ELMO2: variants seen among roughly 807,000 people sequenced by gnomAD.
ELMO2 encodes engulfment and cell motility protein 2.
A neutral mutation model predicts 96.2 loss-of-function variants in ELMO2; 37 were observed. The ratio of observed to expected loss-of-function variants is 0.38; its 90% CI spans 0.30 to 0.51. The LOEUF (loss-of-function observed/expected upper bound fraction) is 0.51. ELMO2 is among the 20% of genes least tolerant of loss of function. ELMO2 has a pLI of 0.88. For synonymous variants in ELMO2, 315 were observed against 329.4 expected (o/e 0.96, Z 0.47); for missense variants, 561 against 912.6 (o/e 0.61, Z 4.96).
intron 2 of ELMO2, among the ~76,000 whole-genome samples, chr20:46,395,748 C>A (rs2060232308): frequency 6.6e-6 from 1 of 152,204 alleles, no homozygotes; most frequent in South Asian, 2.1e-4. Flanking sequence ...GAATGGGATG[C>A]TTCAGAAGTC....
chr20:46,397,832 A>G (rs919022835), intron 2 of ELMO2, among the ~76,000 whole-genome samples: 2 of 152,216 alleles, frequency 1.3e-5, no homozygotes, highest in African/African-American at 4.8e-5. Context: ...ATAAAAAACC[A>G]AGAGCCTTTC....
At position 46,371,137 on chromosome 20, in the gene ELMO2, C is replaced by T. The variant is rs1207913111; in HGVS notation, c.1801+215G>A. On this transcript the variant is annotated intron_variant, in intron 19 of 21. Coordinates refer to ENST00000290246, the MANE Select transcript of ELMO2 (RefSeq NM_133171.5). This position sits in a 1 kb window ranked among gnomAD's most constrained non-coding sequence, Gnocchi z 5.9. ...CGACTTAGTCATGTACCACCCTTTA[C>T]AGTCTACACAATACATTCACACCTG... is the stretch of plus-strand genomic sequence containing the variant. Among the ~76,000 whole-genome samples the T allele has an allele frequency of 2.0e-5, 3 of 152,196 alleles. No homozygotes were observed. Among genetic ancestry groups the T allele is most frequent in the Non-Finnish European group, 4.4e-5 (3 of 68,034 alleles).
chr20:46,405,873 G>C (rs2060428931), intron 1 of ELMO2, among the ~76,000 whole-genome samples: 1 of 152,142 alleles, frequency 6.6e-6, no homozygotes, highest in South Asian at 2.1e-4. Flanking sequence ...GGCAGAGCGA[G>C]ACTCCGTCTC....
Position 46,379,290 on chromosome 20 carries a change from G to A in ELMO2, c.807+963C>T, listed in dbSNP as rs560283294. The stretch of plus-strand genomic sequence containing the variant: ...ATTACAGGTGTGAGCCACCACGTCC[G>A]GCCAAAGTTGCCTCCTTTTAATTCA... On this transcript the variant is annotated intron_variant, in intron 11 of 21. Transcript: ENST00000290246. Among the ~76,000 whole-genome samples the A allele has an allele frequency of 1.9e-3, 284 of 151,944 alleles. 1 individual carries two copies. The highest frequency in any genetic ancestry group is 6.0e-3 in the African/African-American group (250 of 41,428).
At chr20:46,396,466 GC>G (rs1172588699) in intron 2 of ELMO2, among the ~76,000 whole-genome samples, 2 of 152,048 alleles carry the variant, frequency 1.3e-5, no homozygotes, top group East Asian at 3.9e-4. Flanking sequence ...CCTGTAACCA[GC>G]ACTCAAAACG....
chr20:46,393,086 T>C lies in ELMO2; in HGVS notation c.243+7A>G. ...GAATAAACTCCTAAGGAAGAAAGAA[T>C]ACCTACCGGGGAGATAGCCAGTTGT... On this transcript the variant is annotated splice_region_variant and intron_variant, in intron 6 of 21. Coordinates refer to ENST00000290246, the MANE Select transcript of ELMO2 (RefSeq NM_133171.5). 6.2e-7 allele frequency: 1 copy of C among 1,613,406 alleles called. No homozygotes were observed. Among genetic ancestry groups the C allele is most frequent in the East Asian group, 2.2e-5 (1 of 44,872 alleles).
chr20:46,366,222 A>G lies in ELMO2; in HGVS notation c.*1138T>C, dbSNP rs2059583646. The G allele has an allele frequency of 6.5e-6, 1 of 152,682 alleles. No homozygotes were observed. Among genetic ancestry groups the G allele is most frequent in the Non-Finnish European group, 1.5e-5 (1 of 68,056 alleles). The allele number at this position is 152,682 out of a possible 1,614,324, so 9.5% of individuals were successfully genotyped here. A position where few individuals can be genotyped will look rare whatever the true frequency, so the allele number is the denominator to read the frequency against. On this transcript the variant is annotated 3_prime_UTR_variant, in exon 22 of 22. Transcript: ENST00000290246. ...AGATAGGTAGATCTTATATAAATAT[A>G]TATACACGTCTGTATAAGTATGGCC...
Position 46,371,718 on chromosome 20 carries a change from C to A in ELMO2, c.1581-27G>T. On this transcript the variant is annotated intron_variant, in intron 17 of 21. Transcript: ENST00000290246. The surrounding 1 kb of genome is among the most constrained non-coding windows in gnomAD (Gnocchi z 5.9). ...TGGGGTGGACACACACTGGAGTGAGCGGAAGGTCATGGGGACAGTGGAGCT... is the reference window on the plus strand; with the variant it reads ...TGGGGTGGACACACACTGGAGTGAGAGGAAGGTCATGGGGACAGTGGAGCT... 6.2e-7 allele frequency: 1 copy of A among 1,613,670 alleles called. No individual in the cohort carries two copies. Among genetic ancestry groups the A allele is most frequent in the Non-Finnish European group, 8.5e-7 (1 of 1,179,912 alleles).
In ELMO2 at chr20:46,375,415, G is replaced by A. The variant is rs1340660376; in HGVS notation, c.931-45C>T. ...GTCAGCAGGTGAATCGGCTAACCAA[G>A]GGAGCAAGGAAAAGAAACAGTGGGT... is the stretch of plus-strand genomic sequence containing the variant. On this transcript the variant is annotated intron_variant, in intron 12 of 21. Transcript: ENST00000290246. This position sits in a 1 kb window ranked among gnomAD's most constrained non-coding sequence, Gnocchi z 4.6. 6.2e-7 allele frequency: 1 copy of A among 1,606,058 alleles called. No individual in the cohort carries two copies. The highest frequency in any genetic ancestry group is 8.5e-7 in the Non-Finnish European group (1 of 1,174,632).
At chr20:46,385,148 T>C (rs541304966) in intron 9 of ELMO2, among the ~76,000 whole-genome samples, 2 of 152,184 alleles carry the variant, frequency 1.3e-5, no homozygotes, top group African/African-American at 4.8e-5. Context: ...CTCGAACTGG[T>C]GGGGGATTCT....
At chr20:46,393,999 T>C (rs772337549) in intron 4 of ELMO2, 50 bp downstream of exon 4, 1 of 1,612,772 alleles carries the variant, frequency 6.2e-7, no homozygotes, top group South Asian at 1.1e-5. Flanking sequence ...GTAGGAGTGC[T>C]CTTTCAGTCG....
At chr20:46,406,150 T>C (rs1653617164) in intron 1 of ELMO2, among the ~76,000 whole-genome samples, 1 of 152,110 alleles carries the variant, frequency 6.6e-6, no homozygotes, top group African/African-American at 2.4e-5. Context: ...TTTCAACTCG[T>C]GCGGGCCCGC....
intron 9 of ELMO2, among the ~76,000 whole-genome samples, chr20:46,385,572 A>T (rs892485878): frequency 3.9e-5 from 6 of 152,328 alleles, no homozygotes; most frequent in Admixed American, 6.5e-5. Context: ...GAGACCTAGT[A>T]TGCAGAAGAG....
chr20:46,389,303 G>T, intron 6 of ELMO2, 83 bp from the exon 7 acceptor site: 1 of 1,424,610 alleles, frequency 7.0e-7, no homozygotes. Context: ...AGGCCCTTCT[G>T]TGGACATCCA....
At chr20:46,369,964 GTGTGT>G (rs1568745137) in intron 20 of ELMO2, 15 of 5,448 alleles carry the variant, frequency 2.8e-3, no homozygotes, top group African/African-American at 2.9e-3. Flanking sequence ...GTATGGGGGT[GTGTGT>G]GTGTGTGTGT....
chr20:46,371,730 G>A lies in ELMO2; in HGVS notation c.1581-39C>T. 6.2e-7 allele frequency: 1 copy of A among 1,613,922 alleles called. No homozygotes were observed. On this transcript the variant is annotated intron_variant, in intron 17 of 21. Transcript: ENST00000290246. The surrounding 1 kb of genome is among the most constrained non-coding windows in gnomAD (Gnocchi z 5.9). ...ACACTGGAGTGAGCGGAAGGTCATG[G>A]GGACAGTGGAGCTCTGGAAGGAAAG...
At chr20:46,385,975 C>A in intron 9 of ELMO2, 149 bp downstream of exon 9, 1 of 807,142 alleles carries the variant, frequency 1.2e-6, no homozygotes, top group South Asian at 2.1e-5. Flanking sequence ...GGGAGAAATT[C>A]TGGCAGGAGT....
chr20:46,388,592 CGTGT>C (rs3079791), intron 7 of ELMO2, among the ~76,000 whole-genome samples: 10,701 of 148,024 alleles, frequency 0.072, 1,131 homozygotes, highest in African/African-American at 0.24. Flanking sequence ...CAAAGGAAGG[CGTGT>C]GTGTGTGTGT....
intron 16 of ELMO2, 112 bp downstream of exon 16, chr20:46,373,287 C>T: frequency 6.8e-7 from 1 of 1,465,122 alleles, no homozygotes; most frequent in Non-Finnish European, 9.3e-7. Flanking sequence ...CTCAGTTCTG[C>T]AGACCAAGCT....
Sources: gnomAD v4.1 joint callset for allele counts (sites outside exome capture counted in the v4.1 genomes callset) on GRCh38, gnomAD v4.1.1 for gene constraint, Gnocchi (gnomAD v3.1) non-coding constraint, MANE v1.5 for transcripts, NCBI Gene and HGNC (gene_info 2026-07-23, HGNC 2026-07-21) for gene names.